SRD5A2: variants seen among roughly 807,000 people sequenced by gnomAD.
The protein encoded by SRD5A2 is 3-oxo-5-alpha-steroid 4-dehydrogenase 2.
Under a neutral mutation model 27.4 loss-of-function variants are expected in SRD5A2, and 30 were observed. The ratio of observed to expected loss-of-function variants is 1.10; its 90% CI spans 0.82 to 1.49. The LOEUF is 1.49. Ranked by LOEUF, SRD5A2 falls within the 40% of genes most tolerant of loss-of-function variation. The pLI, the probability that SRD5A2 is intolerant of heterozygous loss-of-function variation, is 0.00. For missense variants in SRD5A2, 348 were observed against 323.4 expected (o/e 1.08, Z -0.58); for synonymous variants, 141 against 133.6 (o/e 1.06, Z -0.38).
chr2:31,580,600 C>T lies in SRD5A2; in HGVS notation c.281+20G>A, dbSNP rs61750392. On this transcript the variant is annotated intron_variant, in intron 1 of 4. Coordinates refer to ENST00000622030, the MANE Select transcript of SRD5A2 (RefSeq NM_000348.4). Reference sequence around the variant, plus strand: ...CAGGGCAGTGCGCTGCACTGGGCGCCCGCAAGGGAAAAACGCTACCTGTGG... The same window carrying T: ...CAGGGCAGTGCGCTGCACTGGGCGCTCGCAAGGGAAAAACGCTACCTGTGG... 2.6e-4 allele frequency: 387 copies of T among 1,513,130 alleles called. No homozygotes were observed. In the East Asian group the frequency reaches 3.0e-3, roughly 12 times the overall value. The allele number at this position is 1,513,130 out of a possible 1,614,324, so 93.7% of individuals were successfully genotyped here.
At chr2:31,596,700 A>G in the SRD5A2 span, among the ~76,000 whole-genome samples, 2 of 152,182 alleles carry the variant, frequency 1.3e-5, no homozygotes, top group African/African-American at 4.8e-5. Context: ...ATCATCAGAG[A>G]CCAAGCTGAG....
the SRD5A2 span, among the ~76,000 whole-genome samples, chr2:31,645,692 C>T: frequency 6.6e-6 from 1 of 152,164 alleles, no homozygotes; most frequent in African/African-American, 2.4e-5. Context: ...AAGCTTTCAA[C>T]ATAATTCTTG....
intron 2 of SRD5A2, among the ~76,000 whole-genome samples, chr2:31,531,676 C>T (rs965976813): frequency 8.5e-5 from 13 of 152,222 alleles, no homozygotes; most frequent in Middle Eastern, 3.4e-3. Context: ...TAGACTTGGG[C>T]TGAAAGTACA....
At chr2:31,645,478 CATCT>C in the SRD5A2 span, among the ~76,000 whole-genome samples, 3 of 152,056 alleles carry the variant, frequency 2.0e-5, no homozygotes, top group Non-Finnish European at 4.4e-5. Context: ...ACGAAATGGT[CATCT>C]ATTTGTTATT....
the SRD5A2 span, among the ~76,000 whole-genome samples, chr2:31,647,622 C>A: frequency 6.6e-6 from 1 of 151,800 alleles, no homozygotes; most frequent in African/African-American, 2.4e-5. Context: ...AAAATAACCC[C>A]CTCTCTCATC....
chr2:31,593,155 A>G, the SRD5A2 span, among the ~76,000 whole-genome samples: 2 of 152,150 alleles, frequency 1.3e-5, no homozygotes, highest in Admixed American at 1.3e-4. Flanking sequence ...GATATACCTA[A>G]TGCTAAATGA....
upstream of SRD5A2, among the ~76,000 whole-genome samples, chr2:31,583,464 T>C (rs189338643): frequency 5.4e-4 from 82 of 152,140 alleles, no homozygotes; most frequent in African/African-American, 1.9e-3. Flanking sequence ...TGGTCTGTAT[T>C]ACATGCAAGA....
chr2:31,582,929 A>ATT (rs11403363), upstream of SRD5A2, among the ~76,000 whole-genome samples: 4 of 151,834 alleles, frequency 2.6e-5, no homozygotes, highest in Non-Finnish European at 2.9e-5. Context: ...TCAATGGAAT[A>ATT]TTTTTTTAAA....
the SRD5A2 span, among the ~76,000 whole-genome samples, chr2:31,627,429 C>CA: frequency 7.0e-6 from 1 of 142,464 alleles, no homozygotes; most frequent in African/African-American, 2.6e-5. Flanking sequence ...TTCTTTTGTA[C>CA]GGGGGTGTGT....
At chr2:31,574,826 G>A (rs1024475958) in intron 1 of SRD5A2, among the ~76,000 whole-genome samples, 21 of 152,206 alleles carry the variant, frequency 1.4e-4, no homozygotes, top group African/African-American at 4.1e-4. Context: ...AGAAGGGATT[G>A]GTAAACTATG....
At chr2:31,582,924 G>T (rs980139583), upstream of SRD5A2, among the ~76,000 whole-genome samples, 3 of 87,598 alleles carry the variant, frequency 3.4e-5, no homozygotes, top group African/African-American at 1.1e-4. Context: ...CCAGCTCAAT[G>T]GAATATTTTT....
chr2:31,567,221 C>T (rs765319407), intron 1 of SRD5A2, among the ~76,000 whole-genome samples: 8 of 152,064 alleles, frequency 5.3e-5, no homozygotes, highest in Non-Finnish European at 1.0e-4. Flanking sequence ...AGTAGAATTC[C>T]TGGCCCTCCT....
chr2:31,631,838 T>C, the SRD5A2 span, among the ~76,000 whole-genome samples: 1 of 152,208 alleles, frequency 6.6e-6, no homozygotes, highest in Admixed American at 6.5e-5. Context: ...GTTCCCAGTG[T>C]AGACCATCAT....
At chr2:31,527,121 C>A (rs1477133676) in intron 4 of SRD5A2, 1 of 152,188 alleles carries the variant, frequency 6.6e-6, no homozygotes, top group African/African-American at 2.4e-5. Context: ...ATTCTAGCCT[C>A]CAGAACTATG....
chr2:31,633,065 C>T, the SRD5A2 span, among the ~76,000 whole-genome samples: 16 of 151,982 alleles, frequency 1.1e-4, no homozygotes, highest in Non-Finnish European at 1.5e-4. Context: ...AGAAGGGAAC[C>T]GCCAAGCAGA....
At chr2:31,571,997 T>C (rs1329326140) in intron 1 of SRD5A2, among the ~76,000 whole-genome samples, 1 of 152,228 alleles carries the variant, frequency 6.6e-6, no homozygotes, top group Non-Finnish European at 1.5e-5. Flanking sequence ...CAAAGGAATA[T>C]ATATTGTTCT....
Position 31,529,388 on chromosome 2 carries a change from A to G in SRD5A2, c.617T>C (p.Leu206Pro). 6.2e-7 allele frequency: 1 copy of G among 1,614,008 alleles called. No individual in the cohort carries two copies. Residue 206 changes from leucine to proline, a missense_variant, in exon 4 of 5, where the codon CTG becomes CCG. Leu to Pro is a moderately conservative substitution (Grantham distance 98). Transcript: ENST00000622030. ...AAGTGCTGGGAGGGACCAAGTGGCC[A>G]GGGCATAGCCGATCCATTCAATGAT... ...GEIIEWIGYALATWSLPALAF... is the reference protein window; with the variant it reads ...GEIIEWIGYAPATWSLPALAF...
the SRD5A2 span, among the ~76,000 whole-genome samples, chr2:31,589,804 G>A: frequency 6.6e-6 from 1 of 152,280 alleles, no homozygotes; most frequent in Non-Finnish European, 1.5e-5. Context: ...GAAGGGAAGG[G>A]CAGGCAGGGA....
In SRD5A2 at chr2:31,558,804, T is replaced by A. The variant is rs1480085910; in HGVS notation, c.281+21816A>T. 2.0e-5 allele frequency among the ~76,000 whole-genome samples: 3 copies of A among 152,184 alleles called. No individual in the cohort carries two copies. In the East Asian group the frequency reaches 5.8e-4, roughly 29 times the overall value. On this transcript the variant is annotated intron_variant, in intron 1 of 4. Coordinates refer to ENST00000622030, the MANE Select transcript of SRD5A2 (RefSeq NM_000348.4). ...GCAGCCTAGGAACAATAGGATATAGTATATGGTCTAGGTGTGTAGGAGACT... is the reference window on the plus strand; with the variant it reads ...GCAGCCTAGGAACAATAGGATATAGAATATGGTCTAGGTGTGTAGGAGACT...
Sources: gnomAD v4.1 joint callset for allele counts (sites outside exome capture counted in the v4.1 genomes callset) on GRCh38, gnomAD v4.1.1 for gene constraint, MANE v1.5 for transcripts, NCBI Gene and HGNC (gene_info 2026-07-23, HGNC 2026-07-21) for gene names.